Variants in RBPMS observed in about 807,000 individuals in gnomAD.
RBPMS encodes RNA binding protein, mRNA processing factor.
A neutral mutation model predicts 26.8 loss-of-function variants in RBPMS; 7 were observed. The ratio of observed to expected loss-of-function variants is 0.26; its 90% CI spans 0.15 to 0.49. The LOEUF (loss-of-function observed/expected upper bound fraction) is 0.49. Ranked by LOEUF, RBPMS falls within the 20% of genes least tolerant of loss-of-function variation. The pLI is 0.98. For missense variants in RBPMS, 186 were observed against 250.0 expected, an observed-to-expected ratio of 0.74 and a Z score of 1.73; for synonymous variants, 96 against 93.3, an observed-to-expected ratio of 1.03 and a Z score of -0.17.
chr8:30,457,548 A>G (rs1323341863), intron 1 of RBPMS, among the ~76,000 whole-genome samples: 1 of 151,910 alleles, frequency 6.6e-6, no homozygotes, highest in Non-Finnish European at 1.5e-5. Context: ...TCTGTAGCTA[A>G]ATGAAATCCT....
At chr8:30,478,088 A>G (rs537535538) in intron 3 of RBPMS, among the ~76,000 whole-genome samples, 13 of 152,378 alleles carry the variant, frequency 8.5e-5, no homozygotes, top group East Asian at 1.9e-4. Context: ...TGTATGTTCA[A>G]TGAAAATAGT....
intron 1 of RBPMS, among the ~76,000 whole-genome samples, chr8:30,451,586 T>A (rs561654288): frequency 6.6e-6 from 1 of 152,198 alleles, no homozygotes; most frequent in Non-Finnish European, 1.5e-5. Context: ...TATTTCAGGC[T>A]CTCTAGAAGT....
At chr8:30,528,530 G>C (rs1277600713) in intron 5 of RBPMS, among the ~76,000 whole-genome samples, 1 of 152,192 alleles carries the variant, frequency 6.6e-6, no homozygotes, top group East Asian at 1.9e-4. Flanking sequence ...TCATTAGATA[G>C]TGCATGTTTG....
At chr8:30,496,330 G>A (rs767027214) in intron 4 of RBPMS, among the ~76,000 whole-genome samples, 15 of 152,110 alleles carry the variant, frequency 9.9e-5, no homozygotes, top group Non-Finnish European at 2.1e-4. Flanking sequence ...CACCACGCCC[G>A]GCTAATTTTT....
chr8:30,472,181 C>T (rs1269260688), intron 1 of RBPMS, among the ~76,000 whole-genome samples: 1 of 152,158 alleles, frequency 6.6e-6, no homozygotes, highest in African/African-American at 2.4e-5. Context: ...AATGGATAAA[C>T]TGTGGTGTAT....
chr8:30,557,917 T>G (rs889702922), intron 6 of RBPMS, among the ~76,000 whole-genome samples: 2 of 152,200 alleles, frequency 1.3e-5, no homozygotes, highest in Non-Finnish European at 2.9e-5. Context: ...CAGAATGGAG[T>G]GCAGTGGCAC....
chr8:30,440,962 C>T (rs1171322744), intron 1 of RBPMS, among the ~76,000 whole-genome samples: 8 of 151,656 alleles, frequency 5.3e-5, no homozygotes, highest in East Asian at 3.9e-4. Context: ...CACAGTCCCC[C>T]GCCCCGCCCC....
chr8:30,537,559 A>C (rs780345383), intron 5 of RBPMS: 1 of 456,054 alleles, frequency 2.2e-6, no homozygotes, highest in Non-Finnish European at 4.4e-6. Context: ...TTACATAGAG[A>C]ATATGTCTTT....
At chr8:30,421,732 G>A (rs1476401729) in intron 1 of RBPMS, among the ~76,000 whole-genome samples, 2 of 152,142 alleles carry the variant, frequency 1.3e-5, no homozygotes, top group Non-Finnish European at 2.9e-5. Context: ...TGAGGCAGGT[G>A]GATCACAAGG....
At chr8:30,529,771 G>A (rs1824009697) in intron 5 of RBPMS, among the ~76,000 whole-genome samples, 1 of 143,906 alleles carries the variant, frequency 6.9e-6, no homozygotes, top group Non-Finnish European at 1.5e-5. Flanking sequence ...TTTTTTTGGT[G>A]AGATGGAGAT....
intron 1 of RBPMS, among the ~76,000 whole-genome samples, chr8:30,420,590 G>A (rs1159017512): frequency 6.6e-6 from 1 of 152,210 alleles, no homozygotes; most frequent in Non-Finnish European, 1.5e-5. Context: ...CGGGTCAGTT[G>A]AAGTGTTTCT....
At chr8:30,462,418 TTTTG>T (rs954148190) in intron 1 of RBPMS, among the ~76,000 whole-genome samples, 20 of 152,130 alleles carry the variant, frequency 1.3e-4, no homozygotes, top group African/African-American at 4.8e-4. Context: ...CATTATACTT[TTTTG>T]TTTGTTTGTT....
intron 4 of RBPMS, among the ~76,000 whole-genome samples, chr8:30,489,059 G>A (rs756403235): frequency 2.0e-5 from 3 of 152,038 alleles, no homozygotes; most frequent in Non-Finnish European, 2.9e-5. Flanking sequence ...TTGATTTTTT[G>A]TTGTTAAGAC....
chr8:30,540,197 A>T (rs1469190844), intron 5 of RBPMS, among the ~76,000 whole-genome samples: 1 of 152,026 alleles, frequency 6.6e-6, no homozygotes, highest in Non-Finnish European at 1.5e-5. Flanking sequence ...AGGCAAGAGG[A>T]GGGGGAGAAG....
chr8:30,452,700 G>GT (rs1401642887), intron 1 of RBPMS, among the ~76,000 whole-genome samples: 2 of 152,136 alleles, frequency 1.3e-5, no homozygotes, highest in African/African-American at 4.8e-5. Flanking sequence ...CAATTGCTGA[G>GT]TTGCTGATAG....
Position 30,388,534 on chromosome 8 carries a change from T to C in RBPMS, c.66+3376T>C, listed in dbSNP as rs367712058. Reference sequence around the variant, plus strand: ...TAGCTATAAGCTAACTTATAACTTATAGCTATAGCTATAAGCTAACTTATA... The same window carrying C: ...TAGCTATAAGCTAACTTATAACTTACAGCTATAGCTATAAGCTAACTTATA... On this transcript the variant is annotated intron_variant, in intron 1 of 8. Transcript: ENST00000397323. Among the ~76,000 whole-genome samples the C allele has an allele frequency of 3.7e-4, 13 of 34,908 alleles. 1 individual carries two copies. The highest frequency in any genetic ancestry group is 1.6e-3 in the African/African-American group (12 of 7,650). The allele number at this position is 34,908 out of a possible 152,430, so 22.9% of individuals were successfully genotyped here.
chr8:30,425,442 C>A (rs953216868), intron 1 of RBPMS, among the ~76,000 whole-genome samples: 3 of 151,910 alleles, frequency 2.0e-5, no homozygotes, highest in African/African-American at 7.3e-5. Flanking sequence ...CTCTTGTTGC[C>A]CAGGCTGGAG....
chr8:30,488,687 T>A (rs1486109740), intron 4 of RBPMS, among the ~76,000 whole-genome samples: 1 of 152,218 alleles, frequency 6.6e-6, no homozygotes, highest in Non-Finnish European at 1.5e-5. Context: ...GAAAACACAC[T>A]TGAAACTACT....
rs927120433 is a variant in RBPMS at position 30,432,429 on chromosome 8, T to C, written c.67-42350T>C. ...TGGTGCTGACACAGAACCATGACCATAGAGGTGCCCATGACTTCTTTCTGT... is the reference window on the plus strand; with the variant it reads ...TGGTGCTGACACAGAACCATGACCACAGAGGTGCCCATGACTTCTTTCTGT... On this transcript the variant is annotated intron_variant, in intron 1 of 8. Coordinates refer to ENST00000397323, the MANE Select transcript of RBPMS (RefSeq NM_001008710.3). 3.3e-5 allele frequency among the ~76,000 whole-genome samples: 5 copies of C among 152,252 alleles called. No individual in the cohort carries two copies. In the South Asian group the frequency reaches 6.2e-4, roughly 19 times the overall value.
Sources: gnomAD v4.1 joint callset for allele counts (sites outside exome capture counted in the v4.1 genomes callset) on GRCh38, gnomAD v4.1.1 for gene constraint, MANE v1.5 for transcripts, NCBI Gene and HGNC (gene_info 2026-07-23, HGNC 2026-07-21) for gene names.